Variants in ZNF536 observed in about 807,000 individuals in gnomAD.
The protein encoded by ZNF536 is zinc finger protein 536.
ZNF536 carries 13 observed loss-of-function variants against 84.5 expected under a neutral mutation model. The ratio of observed to expected loss-of-function variants is 0.15; its 90% CI spans 0.10 to 0.24. The LOEUF is 0.24. ZNF536 is among the 10% of genes least tolerant of loss of function. ZNF536 has a pLI of 1.00. For missense variants in ZNF536, 1,536 were observed against 1,747.5 expected (o/e 0.88, Z 2.16); for synonymous variants, 811 against 742.5 (o/e 1.09, Z -1.50).
intron 2 of ZNF536, among the ~76,000 whole-genome samples, chr19:30,317,901 T>C (rs1477423021): frequency 2.0e-5 from 3 of 152,232 alleles, no homozygotes; most frequent in African/African-American, 7.2e-5. Flanking sequence ...GCAGATCATA[T>C]CTTGATGGTA....
chr19:30,332,949 G>C (rs1230283323), intron 2 of ZNF536, among the ~76,000 whole-genome samples: 1 of 152,104 alleles, frequency 6.6e-6, no homozygotes, highest in African/African-American at 2.4e-5. Context: ...AGGCATGGTG[G>C]CATGCACCTG....
At chr19:30,534,714 C>G (rs562458830) in intron 2 of ZNF536, 133 bp from the exon 3 acceptor site, 3 of 907,168 alleles carry the variant, frequency 3.3e-6, no homozygotes, top group African/African-American at 3.4e-5. Context: ...TGTCAGCATT[C>G]TGTCAGATTT....
Position 30,303,832 on chromosome 19 carries a change from T to C in ZNF536, c.-120+19691T>C, listed in dbSNP as rs998747417. ...AGGCAGGGATAGCAGATACTATCGG[T>C]GCCCCTTGGCAGCCACTCACCACTC... On this transcript the variant is annotated intron_variant, in intron 2 of 5. Coordinates refer to the ZNF536 transcript ENST00000585628. Among the ~76,000 whole-genome samples the C allele has an allele frequency of 6.6e-5, 10 of 152,260 alleles. No individual in the cohort carries two copies. The East Asian group carries it at 1.2e-3, about 18-fold the overall frequency.
chr19:30,270,182 C>A (rs1455134929), intron 1 of ZNF536, among the ~76,000 whole-genome samples: 5 of 152,168 alleles, frequency 3.3e-5, no homozygotes, highest in Non-Finnish European at 7.3e-5. Flanking sequence ...GACCCACCAG[C>A]CGACAATTCT....
intron 3 of ZNF536, among the ~76,000 whole-genome samples, chr19:30,547,627 T>TC (rs1280867163): frequency 6.6e-6 from 1 of 152,234 alleles, no homozygotes; most frequent in Non-Finnish European, 1.5e-5. Context: ...CTTTTAATGA[T>TC]CACTGTGGCT....
intron 1 of ZNF536, among the ~76,000 whole-genome samples, chr19:30,258,215 G>A (rs770234534): frequency 2.0e-5 from 3 of 152,118 alleles, no homozygotes; most frequent in Non-Finnish European, 4.4e-5. Flanking sequence ...TGAAGGTGTC[G>A]CCTACACAAC....
intron 1 of ZNF536, among the ~76,000 whole-genome samples, chr19:30,669,010 G>A (rs926596506): frequency 7.2e-5 from 11 of 152,206 alleles, no homozygotes; most frequent in Non-Finnish European, 1.3e-4. Context: ...GGTTGTCGGG[G>A]GACCCCCTCA....
intron 1 of ZNF536, among the ~76,000 whole-genome samples, chr19:30,379,783 A>T (rs1261040048): frequency 6.6e-6 from 1 of 151,990 alleles, no homozygotes; most frequent in Non-Finnish European, 1.5e-5. Flanking sequence ...AGGGGTGCTG[A>T]TGCAGCTTTG....
intron 1 of ZNF536, among the ~76,000 whole-genome samples, chr19:30,617,439 C>A (rs2147107504): frequency 6.8e-6 from 1 of 146,438 alleles, no homozygotes; most frequent in Non-Finnish European, 1.5e-5. Flanking sequence ...CAAGCTCCAC[C>A]TGCCGGGTTC....
chr19:30,549,142 G>C lies in ZNF536; in HGVS notation c.3523G>C (p.Gly1175Arg), dbSNP rs369267546. ...ASSEDMDSSK[G>R]ENNDEEDVET... Reference sequence around the variant, plus strand: ...CTCAGAGGACATGGACTCCTCCAAGGGGGAGAACAACGATGAAGAGGATGT... The same window carrying C: ...CTCAGAGGACATGGACTCCTCCAAGCGGGAGAACAACGATGAAGAGGATGT... Residue 1175 changes from glycine (G) to arginine (R), a missense_variant, in exon 4 of 5, where the codon GGG (glycine) becomes CGG (arginine). Gly to Arg is a moderately radical substitution (Grantham distance 125). Around this residue, in one of 8 missense-constraint regions of ZNF536, gnomAD observed 624 missense variants for 603.1 expected, o/e 1.03. Coordinates refer to ENST00000355537, the MANE Select transcript of ZNF536 (RefSeq NM_014717.3). 1 of 1,614,070 alleles carries C rather than the reference G, an allele frequency of 6.2e-7. No individual in the cohort carries two copies. The highest frequency in any genetic ancestry group is 8.5e-7 in the Non-Finnish European group (1 of 1,180,028).
chr19:30,295,682 C>G (rs1438323102), intron 2 of ZNF536, among the ~76,000 whole-genome samples: 5 of 152,120 alleles, frequency 3.3e-5, no homozygotes, highest in African/African-American at 1.2e-4. Context: ...GGGGTCATTC[C>G]GTGCACATCT....
At chr19:30,402,899 A>C (rs1217014221) in intron 1 of ZNF536, among the ~76,000 whole-genome samples, 1 of 149,732 alleles carries the variant, frequency 6.7e-6, no homozygotes, top group African/African-American at 2.4e-5. Context: ...CCCCCACCCC[A>C]CCCTGGCCAT....
chr19:30,676,007 G>C (rs1377450143), intron 1 of ZNF536, among the ~76,000 whole-genome samples: 1 of 151,986 alleles, frequency 6.6e-6, no homozygotes, highest in Non-Finnish European at 1.5e-5. Context: ...ATAGGCATGA[G>C]CCACTACATC....
chr19:30,251,505 A>T lies in ZNF536; in HGVS notation c.-190+22832A>T, dbSNP rs140385506. Among the ~76,000 whole-genome samples, 342 of 152,244 alleles carry T rather than the reference A, an allele frequency of 2.2e-3. 4 individuals are homozygous for T. The highest frequency in any genetic ancestry group is 7.5e-3 in the African/African-American group (312 of 41,526). On this transcript the variant is annotated intron_variant, in intron 1 of 5. Coordinates refer to the ZNF536 transcript ENST00000585628. ...AGGGCCCTTTAAAAACAGCCTCCTT[A>T]ATATGTTGCTGCCTGTTCAAGGCAT...
At chr19:30,323,973 A>T (rs2046939705) in intron 2 of ZNF536, among the ~76,000 whole-genome samples, 1 of 151,640 alleles carries the variant, frequency 6.6e-6, no homozygotes, top group South Asian at 2.1e-4. Flanking sequence ...TCATCCACTC[A>T]ATCAACTACC....
chr19:30,403,698 T>C (rs754928339), intron 1 of ZNF536, among the ~76,000 whole-genome samples: 1 of 152,242 alleles, frequency 6.6e-6, no homozygotes, highest in East Asian at 1.9e-4. Context: ...ACAGCCTCCC[T>C]GTCTGCTGCT....
At chr19:30,270,564 G>A (rs568164519) in intron 1 of ZNF536, among the ~76,000 whole-genome samples, 18 of 152,318 alleles carry the variant, frequency 1.2e-4, no homozygotes, top group South Asian at 2.1e-4. Context: ...AGGTGACACC[G>A]TAAACAGGTG....
chr19:30,244,003 G>A (rs2024108869), intron 1 of ZNF536, among the ~76,000 whole-genome samples: 1 of 152,086 alleles, frequency 6.6e-6, no homozygotes, highest in African/African-American at 2.4e-5. Flanking sequence ...ATGAATATGT[G>A]TGTGTATACA....
At chr19:30,591,493 G>GT (rs1212969259) in intron 1 of ZNF536, among the ~76,000 whole-genome samples, 1 of 152,176 alleles carries the variant, frequency 6.6e-6, no homozygotes, top group Admixed American at 6.5e-5. Context: ...ATCAGATCTT[G>GT]TGAGATTTAT....
Sources: gnomAD v4.1 joint callset for allele counts (sites outside exome capture counted in the v4.1 genomes callset) on GRCh38, gnomAD v4.1.1 for gene constraint, gnomAD v4.1.1 regional missense constraint, MANE v1.5 for transcripts, NCBI Gene and HGNC (gene_info 2026-07-23, HGNC 2026-07-21) for gene names.